VPS54: variants seen among roughly 807,000 people sequenced by gnomAD.
VPS54 encodes vacuolar protein sorting-associated protein 54.
In VPS54, 45 loss-of-function variants were observed where a neutral mutation model predicts 121.5. The ratio of observed to expected loss-of-function variants is 0.37; its 90% CI spans 0.29 to 0.47. The LOEUF (loss-of-function observed/expected upper bound fraction) is 0.47. Ranked by LOEUF, VPS54 falls within the 20% of genes least tolerant of loss-of-function variation. The pLI is 0.99. For synonymous variants in VPS54, 371 were observed against 385.8 expected (o/e 0.96, Z 0.45); for missense variants, 1,090 against 1,131.4 (o/e 0.96, Z 0.52).
At chr2:63,910,251 T>C (rs781669812) in intron 20 of VPS54, among the ~76,000 whole-genome samples, 5 of 152,134 alleles carry the variant, frequency 3.3e-5, no homozygotes, top group Non-Finnish European at 7.4e-5. Context: ...ACAGGAAGAA[T>C]GTAATATGCC....
At chr2:63,918,053 C>G (rs1237508232) in intron 15 of VPS54, among the ~76,000 whole-genome samples, 1 of 151,902 alleles carries the variant, frequency 6.6e-6, no homozygotes, top group East Asian at 1.9e-4. Flanking sequence ...GATAGTAACC[C>G]AATTAATTTA....
chr2:63,914,094 T>C, intron 17 of VPS54, 88 bp downstream of exon 17: 2 of 1,179,156 alleles, frequency 1.7e-6, no homozygotes, highest in Non-Finnish European at 2.5e-6. Flanking sequence ...TAATTTGACC[T>C]TGAAATGTCT....
Position 63,893,369 on chromosome 2 carries a change from A to T in VPS54, c.*61T>A, listed in dbSNP as rs1444355603. On this transcript the variant is annotated 3_prime_UTR_variant, in exon 23 of 23. Transcript: ENST00000272322. ...CAATTCTCGAATCACAGGCATCCAG[A>T]TTTTCTTCATAACAAACACATCCCA... 7.0e-7 allele frequency: 1 copy of T among 1,429,716 alleles called. No individual in the cohort carries two copies. Among genetic ancestry groups the T allele is most frequent in the African/African-American group, 1.4e-5 (1 of 71,148 alleles). 88.6% of individuals were successfully genotyped at this position (1,429,716 alleles called of 1,614,324 possible). A position where few individuals can be genotyped will look rare whatever the true frequency, so the allele number is the denominator to read the frequency against.
intron 3 of VPS54, among the ~76,000 whole-genome samples, chr2:63,977,254 T>C (rs1439240809): frequency 6.6e-6 from 1 of 152,228 alleles, no homozygotes; most frequent in African/African-American, 2.4e-5. Flanking sequence ...TGCTCTAATT[T>C]TTATTACTGC....
chr2:63,893,580 A>C (rs1308283781), intron 22 of VPS54, 45 bp from the exon 23 acceptor site: 7 of 1,535,170 alleles, frequency 4.6e-6, no homozygotes, highest in Admixed American at 1.8e-5. Context: ...CAAACTTTCT[A>C]TTCAGATAAT....
intron 1 of VPS54, among the ~76,000 whole-genome samples, chr2:63,989,068 G>T (rs1421225625): frequency 1.3e-5 from 2 of 152,160 alleles, no homozygotes; most frequent in East Asian, 3.8e-4. Flanking sequence ...AGATAGGGAT[G>T]AAACACGCCC....
At chr2:64,004,047 A>G (rs1282346747) in intron 1 of VPS54, among the ~76,000 whole-genome samples, 1 of 152,246 alleles carries the variant, frequency 6.6e-6, no homozygotes, top group Non-Finnish European at 1.5e-5. Flanking sequence ...GGACCTATCA[A>G]GAGGACAAAG....
chr2:63,952,986 T>G (rs1675324187), intron 7 of VPS54, among the ~76,000 whole-genome samples: 1 of 152,036 alleles, frequency 6.6e-6, no homozygotes, highest in African/African-American at 2.4e-5. Flanking sequence ...CACAATGCAT[T>G]TATTTTAAAT....
intron 1 of VPS54, among the ~76,000 whole-genome samples, chr2:63,992,178 G>T (rs187514690): frequency 3.3e-5 from 5 of 152,108 alleles, no homozygotes; most frequent in African/African-American, 4.8e-5. Flanking sequence ...ACTTAATATT[G>T]TTTTAAACAA....
chr2:63,914,867 C>A (rs1383573404), intron 16 of VPS54, among the ~76,000 whole-genome samples: 1 of 151,918 alleles, frequency 6.6e-6, no homozygotes, highest in Non-Finnish European at 1.5e-5. Flanking sequence ...GGCGCGGTGG[C>A]TCACACCTGT....
intron 11 of VPS54, among the ~76,000 whole-genome samples, chr2:63,937,232 T>C (rs1674495566): frequency 6.6e-6 from 1 of 151,898 alleles, no homozygotes; most frequent in African/African-American, 2.4e-5. Context: ...TGGGAGAAAA[T>C]ATTTGTAAAT....
intron 1 of VPS54, among the ~76,000 whole-genome samples, chr2:63,997,183 G>C (rs1677638058): frequency 6.6e-6 from 1 of 152,156 alleles, no homozygotes; most frequent in African/African-American, 2.4e-5. Flanking sequence ...ATGCGTCTTT[G>C]TTTGGTTTTG....
At chr2:64,007,225 A>T (rs1332436513) in intron 1 of VPS54, among the ~76,000 whole-genome samples, 1 of 152,228 alleles carries the variant, frequency 6.6e-6, no homozygotes, top group Non-Finnish European at 1.5e-5. Context: ...GTGATAATGA[A>T]GCTAGAAAAT....
intron 1 of VPS54, among the ~76,000 whole-genome samples, chr2:64,004,406 C>A (rs1678029599): frequency 6.6e-6 from 1 of 152,136 alleles, no homozygotes; most frequent in South Asian, 2.1e-4. Flanking sequence ...TCACAGATTA[C>A]TTAGCAACAC....
intron 9 of VPS54, 60 bp downstream of exon 9, chr2:63,947,323 T>A (rs1675025740): frequency 1.4e-6 from 2 of 1,390,410 alleles, no homozygotes; most frequent in African/African-American, 2.9e-5. Flanking sequence ...TAGGATAACA[T>A]AAAAATAAAC....
intron 12 of VPS54, among the ~76,000 whole-genome samples, chr2:63,924,692 G>T (rs1359643572): frequency 6.6e-6 from 1 of 152,126 alleles, no homozygotes; most frequent in African/African-American, 2.4e-5. Flanking sequence ...CGTAACTACA[G>T]TAACTATGAC....
At chr2:63,992,093 G>C (rs193042771) in intron 1 of VPS54, among the ~76,000 whole-genome samples, 70 of 152,316 alleles carry the variant, frequency 4.6e-4, no homozygotes, top group African/African-American at 1.6e-3. Flanking sequence ...CAGTTGACGA[G>C]ATTAAACTAA....
At chr2:63,973,894 T>G (rs1279956116) in intron 3 of VPS54, among the ~76,000 whole-genome samples, 1 of 152,210 alleles carries the variant, frequency 6.6e-6, no homozygotes, top group East Asian at 1.9e-4. Context: ...CTCCCAGTCT[T>G]TGGCTTGTTT....
At chr2:63,908,513 C>A (rs1314872889) in intron 20 of VPS54, among the ~76,000 whole-genome samples, 2 of 152,036 alleles carry the variant, frequency 1.3e-5, no homozygotes, top group African/African-American at 2.4e-5. Context: ...AGTATACATA[C>A]ACTTAGAAAA....
Sources: allele counts gnomAD v4.1 joint callset (sites outside exome capture counted in the v4.1 genomes callset), GRCh38; gene constraint gnomAD v4.1.1; transcripts MANE v1.5; gene names NCBI Gene and HGNC (gene_info 2026-07-23, HGNC 2026-07-21).